Variants in PLAAT5 observed in about 807,000 individuals in gnomAD.
The protein encoded by PLAAT5 is phospholipase A and acyltransferase 5.
PLAAT5 carries 27 observed loss-of-function variants against 27.8 expected under a neutral mutation model. That is an observed-to-expected ratio of 0.97 (90% CI 0.72 to 1.34). The LOEUF is 1.34. Ranked by LOEUF, PLAAT5 falls within the 40% of genes most tolerant of loss-of-function variation. PLAAT5 has a pLI of 0.00. For missense variants in PLAAT5, 368 were observed against 343.8 expected (o/e 1.07, Z -0.56); for synonymous variants, 125 against 136.1 (o/e 0.92, Z 0.57).
intron 3 of PLAAT5, among the ~76,000 whole-genome samples, chr11:63,478,308 G>A (rs923800944): frequency 1.3e-5 from 2 of 151,750 alleles, no homozygotes; most frequent in Non-Finnish European, 2.9e-5. Flanking sequence ...TGTTCTTTCT[G>A]AGAACCAATA....
intron 4 of PLAAT5, among the ~76,000 whole-genome samples, chr11:63,467,663 C>CCTTA (rs1168685838): frequency 6.6e-6 from 1 of 152,124 alleles, no homozygotes; most frequent in Non-Finnish European, 1.5e-5. Flanking sequence ...AAACCCCAAC[C>CCTTA]CTTATCAGGC....
intron 3 of PLAAT5, among the ~76,000 whole-genome samples, chr11:63,480,730 T>G (rs2016263832): frequency 6.6e-6 from 1 of 152,222 alleles, no homozygotes; most frequent in South Asian, 2.1e-4. Context: ...GGGTCTTTTC[T>G]ACAGTCCCAT....
rs573294529 is a variant in PLAAT5, at chr11:63,471,825, A to G, written c.346-3360T>C. ...AAAATTGTTTTTAAAAAACATTAAT[A>G]GGCTGGATAAAGAAAATGTGGAATA... is the stretch of plus-strand genomic sequence containing the variant. On this transcript the variant is annotated intron_variant, in intron 3 of 5. Transcript: ENST00000540857. Among the ~76,000 whole-genome samples, 10 of 152,394 alleles carry G rather than the reference A, an allele frequency of 6.6e-5. No individual in the cohort carries two copies. In the South Asian group the frequency reaches 1.9e-3, roughly 28 times the overall value.
chr11:63,484,651 A>G (rs2016391933), intron 3 of PLAAT5, among the ~76,000 whole-genome samples: 1 of 152,208 alleles, frequency 6.6e-6, no homozygotes, highest in Admixed American at 6.5e-5. Flanking sequence ...CCTCAAGGCA[A>G]TAAAAGCCAT....
At chr11:63,473,991 G>A (rs73488069) in intron 3 of PLAAT5, among the ~76,000 whole-genome samples, 1,798 of 152,182 alleles carry the variant, frequency 0.012, 36 homozygotes, top group African/African-American at 0.04. Flanking sequence ...GCCCCACAGC[G>A]CCCAGCCCTG....
At chr11:63,486,922 C>G (rs2016449606) in intron 3 of PLAAT5, among the ~76,000 whole-genome samples, 1 of 152,214 alleles carries the variant, frequency 6.6e-6, no homozygotes, top group African/African-American at 2.4e-5. Flanking sequence ...GCAAAGGTCT[C>G]TTAGATACAC....
chr11:63,464,014 A>G (rs964296664), intron 5 of PLAAT5, among the ~76,000 whole-genome samples: 4 of 152,186 alleles, frequency 2.6e-5, no homozygotes, highest in African/African-American at 4.8e-5. Flanking sequence ...CCTAGGCCCA[A>G]GCTTCTTCAG....
chr11:63,483,287 C>G (rs2016327438), intron 3 of PLAAT5, among the ~76,000 whole-genome samples: 1 of 152,054 alleles, frequency 6.6e-6, no homozygotes, highest in African/African-American at 2.4e-5. Context: ...ACATTCCACC[C>G]AACAACTGCA....
chr11:63,469,258 T>A, intron 3 of PLAAT5: 1 of 193,906 alleles, frequency 5.2e-6, no homozygotes, highest in South Asian at 1.0e-4. Context: ...GAGCTCCAGG[T>A]TGCACCTTCA....
At chr11:63,480,151 T>C (rs1022190295) in intron 3 of PLAAT5, among the ~76,000 whole-genome samples, 1 of 152,178 alleles carries the variant, frequency 6.6e-6, no homozygotes, top group Non-Finnish European at 1.5e-5. Flanking sequence ...TTGGACATAT[T>C]TCCCCACCAA....
chr11:63,469,257 G>A (rs1487694244), intron 3 of PLAAT5: 3 of 192,852 alleles, frequency 1.6e-5, no homozygotes, highest in African/African-American at 2.4e-5. Flanking sequence ...AGAGCTCCAG[G>A]TTGCACCTTC....
At chr11:63,465,925 A>T (rs1013839107) in intron 5 of PLAAT5, among the ~76,000 whole-genome samples, 185 bp downstream of exon 5, 1 of 152,012 alleles carries the variant, frequency 6.6e-6, no homozygotes, top group Non-Finnish European at 1.5e-5. Context: ...TGCCTTTTCT[A>T]CTCCTCCCTG....
At chr11:63,471,237 A>G (rs1056432298) in intron 3 of PLAAT5, among the ~76,000 whole-genome samples, 1 of 152,240 alleles carries the variant, frequency 6.6e-6, no homozygotes, top group African/African-American at 2.4e-5. Flanking sequence ...GACACTTCAT[A>G]CATTACACTA....
chr11:63,490,378 T>G (rs2016534511), intron 1 of PLAAT5, 45 bp from the exon 2 acceptor site: 1 of 1,613,426 alleles, frequency 6.2e-7, no homozygotes, highest in Non-Finnish European at 8.5e-7. Flanking sequence ...GAAAGGAGAG[T>G]TCGAGCAAGC....
chr11:63,476,716 A>C (rs1043016033), intron 3 of PLAAT5, among the ~76,000 whole-genome samples: 7 of 152,146 alleles, frequency 4.6e-5, no homozygotes, highest in Admixed American at 4.6e-4. Context: ...TGTATAGATT[A>C]ATGTTTTACA....
At chr11:63,466,000 T>C in intron 5 of PLAAT5, 110 bp downstream of exon 5, 4 of 1,125,850 alleles carry the variant, frequency 3.6e-6, no homozygotes, top group Non-Finnish European at 5.0e-6. Flanking sequence ...GCCCTACTAG[T>C]ATAACGAATA....
intron 3 of PLAAT5, 72 bp downstream of exon 3, chr11:63,488,798 AG>A: frequency 2.9e-6 from 3 of 1,038,748 alleles, no homozygotes; most frequent in South Asian, 2.8e-5. Flanking sequence ...CTAGAAACAA[AG>A]TAAAATACAA....
intron 3 of PLAAT5, 89 bp from the exon 4 acceptor site, chr11:63,468,554 T>G: frequency 1.1e-6 from 1 of 942,014 alleles, no homozygotes; most frequent in Non-Finnish European, 1.6e-6. Context: ...AGCCTAAAGA[T>G]CCCCTCAGTG....
At chr11:63,471,131 A>G (rs1476095928) in intron 3 of PLAAT5, among the ~76,000 whole-genome samples, 1 of 152,214 alleles carries the variant, frequency 6.6e-6, no homozygotes, top group Non-Finnish European at 1.5e-5. Flanking sequence ...ACTAAAAGAT[A>G]CTTTTGCAGA....
Sources: allele counts gnomAD v4.1 joint callset (sites outside exome capture counted in the v4.1 genomes callset), GRCh38; gene constraint gnomAD v4.1.1; transcripts MANE v1.5; gene names NCBI Gene and HGNC (gene_info 2026-07-23, HGNC 2026-07-21).